Variants in DMD observed in about 807,000 individuals in gnomAD.
DMD encodes the protein mutant dystrophin.
A neutral mutation model predicts 330.1 loss-of-function variants in DMD; 63 were observed. The observed-to-expected ratio is 0.19, with a 90% CI of 0.16 to 0.24. DMD has a LOEUF of 0.24. Ranked by LOEUF, DMD falls within the 10% of genes least tolerant of loss-of-function variation. The pLI is 1.00. For synonymous variants in DMD, 1,223 were observed against 959.8 expected (o/e 1.27, Z -5.07); for missense variants, 3,344 against 2,684.1 (o/e 1.25, Z -5.43).
intron 7 of DMD, among the ~76,000 whole-genome samples, chrX:32,783,172 TAC>T (rs1455531252): frequency 5.2e-5 from 5 of 96,536 alleles, no homozygotes; most frequent in African/African-American, 7.2e-5. Flanking sequence ...ATATGGCATA[TAC>T]ACACATATAT....
intron 51 of DMD, among the ~76,000 whole-genome samples, chrX:31,761,164 C>A (rs1308883505): frequency 9.0e-6 from 1 of 110,786 alleles, no homozygotes; most frequent in Non-Finnish European, 1.9e-5. Flanking sequence ...GGATTACAGG[C>A]GTGAGCCACC....
intron 29 of DMD, among the ~76,000 whole-genome samples, chrX:32,432,579 G>A (rs1402691298): frequency 8.9e-6 from 1 of 112,031 alleles, no homozygotes; most frequent in African/African-American, 3.2e-5. Flanking sequence ...TGTGAAGTAA[G>A]CTAATCAAAT....
At chrX:31,445,572 A>G (rs1360446773) in intron 59 of DMD, among the ~76,000 whole-genome samples, 1 of 111,927 alleles carries the variant, frequency 8.9e-6, no homozygotes, top group Non-Finnish European at 1.9e-5. Flanking sequence ...TTGCATGCAT[A>G]CTTTGCACCA....
At chrX:31,214,141 C>T (rs1466926608) in intron 64 of DMD, among the ~76,000 whole-genome samples, 1 of 112,324 alleles carries the variant, frequency 8.9e-6, no homozygotes, top group East Asian at 2.8e-4. Flanking sequence ...AACCAAAAAG[C>T]TGAAGCAACT....
chrX:31,309,919 A>G (rs1007416319), intron 62 of DMD, among the ~76,000 whole-genome samples: 3 of 111,547 alleles, frequency 2.7e-5, no homozygotes, highest in African/African-American at 9.8e-5. Context: ...ATAAATCCAA[A>G]CATTCCAGGT....
intron 43 of DMD, among the ~76,000 whole-genome samples, chrX:32,266,966 G>A (rs1396276694): frequency 9.0e-6 from 1 of 111,647 alleles, no homozygotes; most frequent in African/African-American, 3.3e-5. Context: ...GAAAAAATGG[G>A]GCTGGAAGTA....
intron 1 of DMD, among the ~76,000 whole-genome samples, chrX:33,242,533 C>T (rs373218647): frequency 1.1e-3 from 118 of 111,917 alleles, no homozygotes; most frequent in African/African-American, 3.6e-3. Flanking sequence ...TTTGCAATTG[C>T]GCTTTGTGTT....
chrX:32,601,851 G>C (rs1409047964), intron 12 of DMD, among the ~76,000 whole-genome samples: 1 of 111,795 alleles, frequency 8.9e-6, no homozygotes, highest in African/African-American at 3.2e-5. Context: ...ATTTTGCCTG[G>C]AAAACAATAT....
chrX:31,643,783 G>A (rs992290697), intron 54 of DMD, among the ~76,000 whole-genome samples: 4 of 111,716 alleles, frequency 3.6e-5, no homozygotes, highest in African/African-American at 1.3e-4. Flanking sequence ...AGAAGCAAAA[G>A]CTGATATTAA....
intron 1 of DMD, among the ~76,000 whole-genome samples, chrX:33,057,736 C>G (rs1359024052): frequency 8.9e-6 from 1 of 112,131 alleles, no homozygotes; most frequent in East Asian, 2.8e-4. Flanking sequence ...AGTTCTCAAA[C>G]TTCATATAGA....
intron 54 of DMD, among the ~76,000 whole-genome samples, chrX:31,635,307 T>C (rs1383432932): frequency 8.9e-6 from 1 of 112,180 alleles, no homozygotes; most frequent in African/African-American, 3.2e-5. Flanking sequence ...TTTCCTAATG[T>C]TGATAGACTA....
intron 45 of DMD, among the ~76,000 whole-genome samples, chrX:31,956,295 T>G (rs1026890473): frequency 8.9e-6 from 1 of 112,185 alleles, no homozygotes; most frequent in African/African-American, 3.2e-5. Context: ...GATGAATATA[T>G]TTCTACTTTG....
At position 32,543,807 on chromosome X, in the gene DMD, A is replaced by C. The variant is rs770436265; in HGVS notation, c.2168+1352T>G. ...CATTTGACTGGAGCAAGGGTCGCCA[A>C]ACTTTTTCTGTGATAGGATAGGTAA... On this transcript the variant is annotated intron_variant, in intron 17 of 78. Transcript: ENST00000357033. Among the ~76,000 whole-genome samples the C allele has an allele frequency of 4.5e-5, 5 of 111,491 alleles. No homozygotes were observed. The South Asian group carries it at 1.9e-3, about 42-fold the overall frequency.
intron 23 of DMD, among the ~76,000 whole-genome samples, chrX:32,467,203 T>G (rs1424062895): frequency 8.9e-6 from 1 of 112,509 alleles, no homozygotes; most frequent in Non-Finnish European, 1.9e-5. Flanking sequence ...GCAGCTAGAC[T>G]GGGATTTAAA....
rs768542112 is a variant in DMD at position 32,508,507 on chromosome X, C to A, written c.2293-6665G>T. 3.6e-5 allele frequency among the ~76,000 whole-genome samples: 4 copies of A among 111,824 alleles called. No homozygotes were observed. The East Asian group carries it at 8.5e-4, about 24-fold the overall frequency. On this transcript the variant is annotated intron_variant, in intron 18 of 78. Coordinates refer to ENST00000357033, the MANE Select transcript of DMD (RefSeq NM_004006.3). Reference sequence around the variant, plus strand: ...GTCACCCTTTTTGCTCTGCTGTTATCAGTTCTGTCTCTACTGCTTACTATC... The same window carrying A: ...GTCACCCTTTTTGCTCTGCTGTTATAAGTTCTGTCTCTACTGCTTACTATC...
chrX:32,389,475 G>A (rs761881344), intron 32 of DMD, 26 bp downstream of exon 32: 7 of 1,202,142 alleles, frequency 5.8e-6, no homozygotes, highest in Non-Finnish European at 4.5e-6. Context: ...AGGGGTACCT[G>A]CGTATTTGCC....
chrX:31,745,235 G>A (rs1054960657), intron 51 of DMD, among the ~76,000 whole-genome samples: 3 of 111,369 alleles, frequency 2.7e-5, no homozygotes, highest in Admixed American at 9.6e-5. Flanking sequence ...ATACAGCAGA[G>A]TGGTTGAGAA....
intron 38 of DMD, among the ~76,000 whole-genome samples, chrX:32,346,990 T>G (rs2097766034): frequency 9.0e-6 from 1 of 111,475 alleles, no homozygotes; most frequent in African/African-American, 3.3e-5. Flanking sequence ...AATAATAAAT[T>G]TCAAAAGTCA....
intron 13 of DMD, among the ~76,000 whole-genome samples, chrX:32,591,579 C>G (rs1357437895): frequency 2.7e-5 from 3 of 112,395 alleles, no homozygotes; most frequent in Non-Finnish European, 3.8e-5. Flanking sequence ...CCCACCTCCA[C>G]CAATCTCACT....
Sources: gnomAD v4.1 joint callset for allele counts (sites outside exome capture counted in the v4.1 genomes callset) on GRCh38, gnomAD v4.1.1 for gene constraint, MANE v1.5 for transcripts, NCBI Gene and HGNC (gene_info 2026-07-23, HGNC 2026-07-21) for gene names.